INSL6: variants seen among roughly 807,000 people sequenced by gnomAD.
The protein encoded by INSL6 is insulin like 6.
In INSL6, 16 loss-of-function variants were observed where a neutral mutation model predicts 9.4. The observed-to-expected ratio is 1.70, with a 90% CI of 1.15 to 2.59. The LOEUF (loss-of-function observed/expected upper bound fraction) is 2.59, where lower values mean the gene tolerates loss of function less well. Among genes scored for constraint, INSL6 ranks in the 30% most tolerant of loss-of-function variants. The pLI, the probability that INSL6 is intolerant of heterozygous loss-of-function variation, is 0.00. For missense variants in INSL6, 391 were observed against 257.3 expected, an observed-to-expected ratio of 1.52 and a Z score of -3.56; for synonymous variants, 154 against 96.9, an observed-to-expected ratio of 1.59 and a Z score of -3.46.
the INSL6 span, chr9:5,054,868 A>G: frequency 6.2e-7 from 1 of 1,600,134 alleles, no homozygotes; most frequent in Non-Finnish European, 8.5e-7. The surrounding 1 kb of genome is among the most constrained non-coding windows in gnomAD (Gnocchi z 4.9). Flanking sequence ...AAAGAAAGTG[A>G]GACACTGACA....
At chr9:5,123,024 C>CA, downstream of INSL6, 1 of 1,610,590 alleles carries the variant, frequency 6.2e-7, no homozygotes, top group Non-Finnish European at 8.5e-7. Flanking sequence ...GAATCACTGA[C>CA]AGAGAGCAAG....
downstream of INSL6, among the ~76,000 whole-genome samples, chr9:5,160,176 C>CT (rs1824896418): frequency 1.2e-5 from 1 of 83,530 alleles, no homozygotes. Context: ...AACTCGGTCT[C>CT]AAAAAAAAAA....
At chr9:5,126,547 G>C in intron 3 of INSL6, 1 of 956,662 alleles carries the variant, frequency 1.0e-6, no homozygotes. Context: ...GGAGCTTCCA[G>C]ATAAACAGCA....
chr9:5,059,231 C>T, the INSL6 span, among the ~76,000 whole-genome samples: 1 of 152,278 alleles, frequency 6.6e-6, no homozygotes, highest in South Asian at 2.1e-4. Context: ...CCCACATATT[C>T]ACCTCCACCC....
At chr9:4,999,299 A>T in the INSL6 span, among the ~76,000 whole-genome samples, 6,846 of 152,298 alleles carry the variant, frequency 0.045, 514 homozygotes, top group African/African-American at 0.16. Flanking sequence ...TAAGTGAAAG[A>T]ATCATGACAT....
At chr9:5,081,664 CAG>C in the INSL6 span, 1 of 1,184,530 alleles carries the variant, frequency 8.4e-7, no homozygotes, top group Non-Finnish European at 1.2e-6. Context: ...GAATGTATAT[CAG>C]TTTAGTCCAG....
chr9:5,044,379 C>A, the INSL6 span: 1 of 1,460,214 alleles, frequency 6.8e-7, no homozygotes, highest in Non-Finnish European at 9.6e-7. Context: ...TGGAAGCTGA[C>A]CAAATGTTTT....
intron 1 of INSL6, among the ~76,000 whole-genome samples, chr9:5,171,017 AC>A (rs1372681589): frequency 1.3e-5 from 2 of 152,034 alleles, no homozygotes; most frequent in East Asian, 3.9e-4. Flanking sequence ...TGATACCAAA[AC>A]CTGACAGATA....
intron 3 of INSL6, among the ~76,000 whole-genome samples, chr9:5,131,358 A>T (rs1340705411): frequency 1.3e-5 from 2 of 152,006 alleles, no homozygotes; most frequent in Non-Finnish European, 2.9e-5. Context: ...AGAGAAAAAA[A>T]GTTGTTTACA....
chr9:5,131,428 GTTAACAATTTTTTTTTT>G (rs950576876), intron 3 of INSL6, among the ~76,000 whole-genome samples: 1 of 119,280 alleles, frequency 8.4e-6, no homozygotes, highest in African/African-American at 3.8e-5. Context: ...AACACCACCA[GTTAACAATTTTTTTTTT>G]TTTTTTTTTG....
the INSL6 span, among the ~76,000 whole-genome samples, chr9:5,036,098 G>T: frequency 2.6e-5 from 4 of 152,246 alleles, no homozygotes; most frequent in South Asian, 8.3e-4. Context: ...CAGACAAACA[G>T]AGAGCCAAAT....
chr9:5,021,659 C>T, the INSL6 span, among the ~76,000 whole-genome samples: 6 of 152,146 alleles, frequency 3.9e-5, no homozygotes, highest in Non-Finnish European at 7.3e-5. Flanking sequence ...CAGGGTCTTG[C>T]TGTGTCACCC....
At chr9:5,163,785 T>A (rs922266634), downstream of INSL6, 10 of 652,708 alleles carry the variant, frequency 1.5e-5, no homozygotes, top group Non-Finnish European at 2.7e-5. Flanking sequence ...CTATAAGGTA[T>A]GGTCAAGTGC....
At chr9:4,995,913 A>T in the INSL6 span, among the ~76,000 whole-genome samples, 1 of 152,052 alleles carries the variant, frequency 6.6e-6, no homozygotes, top group African/African-American at 2.4e-5. Context: ...GCATTTGCTA[A>T]CTTATGTGTC....
the INSL6 span, among the ~76,000 whole-genome samples, chr9:5,053,205 G>A: frequency 6.6e-6 from 1 of 151,924 alleles, no homozygotes; most frequent in Admixed American, 6.6e-5. Context: ...TAGTTTTGAT[G>A]TTCATTTCTC....
At chr9:5,051,895 T>G in the INSL6 span, among the ~76,000 whole-genome samples, 1 of 152,252 alleles carries the variant, frequency 6.6e-6, no homozygotes, top group East Asian at 1.9e-4. Context: ...CTGTTAGGTC[T>G]TAACCTAAGG....
the INSL6 span, among the ~76,000 whole-genome samples, chr9:5,021,267 A>G: frequency 2.8e-4 from 43 of 151,772 alleles, no homozygotes; most frequent in African/African-American, 9.9e-4. Context: ...GTGATTATCT[A>G]CTCGCTATTT....
At chr9:5,171,304 C>G (rs1385011011) in intron 1 of INSL6, among the ~76,000 whole-genome samples, 1 of 152,122 alleles carries the variant, frequency 6.6e-6, no homozygotes. Flanking sequence ...ATGTTAAAAA[C>G]TCTCAATAAA....
At chr9:5,070,202 C>T in the INSL6 span, 1 of 472,002 alleles carries the variant, frequency 2.1e-6, no homozygotes, top group African/African-American at 2.0e-5. Context: ...ATATGCCAAC[C>T]TTGTGTTAGA....
Sources: allele counts gnomAD v4.1 joint callset (sites outside exome capture counted in the v4.1 genomes callset), GRCh38; gene constraint gnomAD v4.1.1; non-coding constraint Gnocchi (gnomAD v3.1); transcripts MANE v1.5; gene names NCBI Gene and HGNC (gene_info 2026-07-23, HGNC 2026-07-21).